Variants in TMEM150C observed in about 807,000 individuals in gnomAD.
The protein encoded by TMEM150C is transmembrane protein 150C.
TMEM150C carries 10 observed loss-of-function variants against 29.9 expected under a neutral mutation model. The ratio of observed to expected loss-of-function variants is 0.33; its 90% CI spans 0.21 to 0.57. The LOEUF (loss-of-function observed/expected upper bound fraction) is 0.57, where lower values mean the gene tolerates loss of function less well. TMEM150C is among the 20% of genes least tolerant of loss of function. The pLI is 0.88. For synonymous variants in TMEM150C, 101 were observed against 112.5 expected, an observed-to-expected ratio of 0.90 and a Z score of 0.64; for missense variants, 251 against 303.6, an observed-to-expected ratio of 0.83 and a Z score of 1.29.
intron 1 of TMEM150C, among the ~76,000 whole-genome samples, chr4:82,514,906 C>A (rs1310619914): frequency 1.3e-5 from 2 of 152,114 alleles, no homozygotes; most frequent in African/African-American, 4.8e-5. Flanking sequence ...AAAAAAAATT[C>A]ATTTTTAAGC....
In TMEM150C at chr4:82,485,395, AAT is replaced by A; in HGVS notation, c.*114_*115del. 1.6e-6 allele frequency: 1 copy of A among 620,346 alleles called. No homozygotes were observed. The allele number at this position is 620,346 out of a possible 1,614,324, so 38.4% of individuals were successfully genotyped here. On this transcript the variant is annotated 3_prime_UTR_variant, in exon 8 of 8. Transcript: ENST00000449862. ...AGCTCATTTGGCAAATGTGGCCATG[AAT>A]GTGTGTGTGTGTGTGTGTGTGAAAT... is the stretch of plus-strand genomic sequence containing the variant.
At chr4:82,525,640 C>T (rs1397724904) in intron 1 of TMEM150C, among the ~76,000 whole-genome samples, 2 of 152,140 alleles carry the variant, frequency 1.3e-5, no homozygotes, top group African/African-American at 4.8e-5. Context: ...TGCTTAACAG[C>T]TTTGAATATG....
At chr4:82,548,168 G>A (rs539554647) in intron 1 of TMEM150C, among the ~76,000 whole-genome samples, 8 of 152,230 alleles carry the variant, frequency 5.3e-5, no homozygotes, top group Admixed American at 2.0e-4. Context: ...TGGACATAAA[G>A]ATGAGGACTA....
chr4:82,528,606 T>A (rs765237841), intron 1 of TMEM150C, among the ~76,000 whole-genome samples: 5 of 118,926 alleles, frequency 4.2e-5, no homozygotes, highest in African/African-American at 1.0e-4. Context: ...TCCTCGTCCC[T>A]TTTTTTTTTT....
intron 1 of TMEM150C, among the ~76,000 whole-genome samples, chr4:82,546,658 C>T (rs896678657): frequency 1.1e-4 from 16 of 152,148 alleles, no homozygotes; most frequent in African/African-American, 3.9e-4. Context: ...GAAACCCCGT[C>T]TCTACTAAAA....
intron 1 of TMEM150C, among the ~76,000 whole-genome samples, chr4:82,514,711 C>T (rs899192892): frequency 6.6e-6 from 1 of 152,160 alleles, no homozygotes; most frequent in African/African-American, 2.4e-5. Flanking sequence ...TCTTCCTCTG[C>T]ACTGTGAAGT....
intron 1 of TMEM150C, among the ~76,000 whole-genome samples, chr4:82,554,591 AAG>A (rs1401442833): frequency 6.6e-6 from 1 of 152,240 alleles, no homozygotes; most frequent in Non-Finnish European, 1.5e-5. Context: ...AGTGTAAAAA[AAG>A]AGTACGAAAT....
At chr4:82,528,605 C>CTTTTT (rs549464188) in intron 1 of TMEM150C, among the ~76,000 whole-genome samples, 2 of 139,620 alleles carry the variant, frequency 1.4e-5, no homozygotes, top group South Asian at 2.3e-4. Context: ...TTCCTCGTCC[C>CTTTTT]TTTTTTTTTT....
At chr4:82,561,994 G>T (rs1266308828), upstream of TMEM150C, 9 of 1,108,260 alleles carry the variant, frequency 8.1e-6, no homozygotes, top group East Asian at 1.0e-4. Context: ...CGGGTAGGGC[G>T]CTTCCTTCAG....
At chr4:82,531,731 G>C (rs182819271) in intron 1 of TMEM150C, among the ~76,000 whole-genome samples, 83 of 142,788 alleles carry the variant, frequency 5.8e-4, no homozygotes, top group African/African-American at 2.1e-3. Flanking sequence ...CTCCAGCCTG[G>C]GCAACAGAGC....
chr4:82,557,734 C>CTTTTTTTTTT (rs767919077), intron 1 of TMEM150C, among the ~76,000 whole-genome samples: 4 of 131,368 alleles, frequency 3.0e-5, no homozygotes, highest in Non-Finnish European at 4.8e-5. Flanking sequence ...TTTTCTTTTT[C>CTTTTTTTTTT]TTTTTTTTTT....
At chr4:82,532,823 G>T (rs562657935) in intron 1 of TMEM150C, among the ~76,000 whole-genome samples, 1 of 151,962 alleles carries the variant, frequency 6.6e-6, no homozygotes, top group Admixed American at 6.6e-5. Flanking sequence ...CCACCTCCTG[G>T]GTTCACGCCA....
chr4:82,529,565 G>C (rs769885360), intron 1 of TMEM150C, among the ~76,000 whole-genome samples: 1 of 152,160 alleles, frequency 6.6e-6, no homozygotes, highest in Non-Finnish European at 1.5e-5. Context: ...TGGGATTACA[G>C]GTATGAGCCA....
intron 5 of TMEM150C, among the ~76,000 whole-genome samples, chr4:82,500,959 T>TAATC (rs1225583392): frequency 6.6e-6 from 1 of 152,246 alleles, no homozygotes; most frequent in African/African-American, 2.4e-5. Flanking sequence ...TGATGGCTAT[T>TAATC]AATCGTTGTT....
intron 1 of TMEM150C, among the ~76,000 whole-genome samples, chr4:82,507,752 T>C (rs1414852462): frequency 2.5e-5 from 2 of 80,850 alleles, no homozygotes; most frequent in Non-Finnish European, 4.5e-5. Context: ...TTTTTTTTTT[T>C]TTTTTTTTTT....
At chr4:82,546,690 T>C (rs994511918) in intron 1 of TMEM150C, among the ~76,000 whole-genome samples, 3 of 152,042 alleles carry the variant, frequency 2.0e-5, no homozygotes, top group Non-Finnish European at 4.4e-5. Flanking sequence ...TAGCCAGGCA[T>C]GGTAGTGGGT....
chr4:82,544,285 C>T (rs1725286167), intron 1 of TMEM150C, among the ~76,000 whole-genome samples: 1 of 152,146 alleles, frequency 6.6e-6, no homozygotes, highest in Non-Finnish European at 1.5e-5. Context: ...TAATAGAGGC[C>T]TCCTTTGCTG....
chr4:82,534,598 G>A (rs1724950942), intron 1 of TMEM150C, among the ~76,000 whole-genome samples: 1 of 152,156 alleles, frequency 6.6e-6, no homozygotes, highest in African/African-American at 2.4e-5. Context: ...TCTAAATGGG[G>A]TCCAAGGATT....
intron 2 of TMEM150C, among the ~76,000 whole-genome samples, chr4:82,503,597 T>C (rs150785988): frequency 0.014 from 2,167 of 152,308 alleles, 43 homozygotes; most frequent in African/African-American, 0.049. Flanking sequence ...ACGCCTGTAA[T>C]CCCAGCACTT....
Sources: gnomAD v4.1 joint callset for allele counts (sites outside exome capture counted in the v4.1 genomes callset) on GRCh38, gnomAD v4.1.1 for gene constraint, MANE v1.5 for transcripts, NCBI Gene and HGNC (gene_info 2026-07-23, HGNC 2026-07-21) for gene names.